The following VPS54 variants were observed in gnomAD, a reference collection of about 807,000 sequenced individuals.
VPS54 encodes the protein vacuolar protein sorting-associated protein 54.
Under a neutral mutation model 121.5 loss-of-function variants are expected in VPS54, and 45 were observed. The ratio of observed to expected loss-of-function variants is 0.37; its 90% CI spans 0.29 to 0.47. The LOEUF (loss-of-function observed/expected upper bound fraction) is 0.47. VPS54 is among the 20% of genes least tolerant of loss of function. The pLI is 0.99. For synonymous variants in VPS54, 371 were observed against 385.8 expected (o/e 0.96, Z 0.45); for missense variants, 1,090 against 1,131.4 (o/e 0.96, Z 0.52).
chr2:63,982,542 C>T (rs1245227683), intron 2 of VPS54, among the ~76,000 whole-genome samples: 1 of 152,150 alleles, frequency 6.6e-6, no homozygotes, highest in East Asian at 1.9e-4. Context: ...AATACATAAC[C>T]TTGTTTTGTG....
At chr2:63,980,999 A>C (rs1343728827) in intron 3 of VPS54, among the ~76,000 whole-genome samples, 2 of 152,116 alleles carry the variant, frequency 1.3e-5, no homozygotes, top group Non-Finnish European at 2.9e-5. Context: ...AAAAAAGTGC[A>C]AAGTAAGTAA....
chr2:63,915,137 G>A (rs1264193631), intron 16 of VPS54, among the ~76,000 whole-genome samples: 2 of 97,060 alleles, frequency 2.1e-5, no homozygotes, highest in Admixed American at 1.6e-4. Flanking sequence ...GGCAACAAGA[G>A]CAAAGCTCCG....
chr2:64,016,109 G>A (rs1247788883), intron 1 of VPS54, among the ~76,000 whole-genome samples: 2 of 152,164 alleles, frequency 1.3e-5, no homozygotes, highest in Non-Finnish European at 2.9e-5. Flanking sequence ...CTAATAGCGA[G>A]GTAAGCAGGA....
intron 1 of VPS54, among the ~76,000 whole-genome samples, chr2:63,985,680 T>TACACACACACACAC (rs3079061): frequency 2.1e-5 from 3 of 145,040 alleles, no homozygotes; most frequent in African/African-American, 5.2e-5. Context: ...TGACAAATTA[T>TACACACACACACAC]ACACACACAC....
chr2:63,963,099 A>C (rs1231122384), intron 6 of VPS54, among the ~76,000 whole-genome samples: 1 of 152,116 alleles, frequency 6.6e-6, no homozygotes, highest in African/African-American at 2.4e-5. Context: ...CTGATGGTTC[A>C]GTCACAAATT....
At chr2:63,981,955 T>G in intron 2 of VPS54, 68 bp from the exon 3 acceptor site, 2 of 1,487,136 alleles carry the variant, frequency 1.3e-6, no homozygotes, top group Non-Finnish European at 1.8e-6. Context: ...AAGTACACAC[T>G]AGAAAACTAA....
At chr2:63,925,743 C>T (rs1044976950) in intron 12 of VPS54, among the ~76,000 whole-genome samples, 2 of 152,098 alleles carry the variant, frequency 1.3e-5, no homozygotes, top group African/African-American at 4.8e-5. Flanking sequence ...GACAAAAGAG[C>T]AAATATATTA....
intron 3 of VPS54, among the ~76,000 whole-genome samples, chr2:63,977,013 G>A (rs745626062): frequency 1.3e-5 from 2 of 151,906 alleles, no homozygotes; most frequent in Non-Finnish European, 1.5e-5. Flanking sequence ...ACTTTTAGTA[G>A]AGATGGGGTT....
At chr2:63,937,537 T>C (rs545542317) in intron 11 of VPS54, among the ~76,000 whole-genome samples, 4 of 152,228 alleles carry the variant, frequency 2.6e-5, no homozygotes, top group South Asian at 2.1e-4. Context: ...CCCTGCACTA[T>C]TGGTGGAAAT....
intron 12 of VPS54, among the ~76,000 whole-genome samples, chr2:63,929,892 CA>C (rs1674104427): frequency 6.6e-6 from 1 of 152,128 alleles, no homozygotes; most frequent in South Asian, 2.1e-4. Flanking sequence ...CACCTCTACA[CA>C]AATAAACTAG....
At chr2:63,904,182 G>A (rs1368469921) in intron 20 of VPS54, among the ~76,000 whole-genome samples, 1 of 152,192 alleles carries the variant, frequency 6.6e-6, no homozygotes, top group Non-Finnish European at 1.5e-5. Context: ...GCTCACGCCT[G>A]TAATCCCAGC....
chr2:63,928,509 GC>G (rs1273539055), intron 12 of VPS54, among the ~76,000 whole-genome samples: 2 of 152,128 alleles, frequency 1.3e-5, no homozygotes, highest in African/African-American at 4.8e-5. Flanking sequence ...CCTGAAGGAA[GC>G]ACTAAACATG....
At chr2:63,998,655 T>C (rs1677724149) in intron 1 of VPS54, among the ~76,000 whole-genome samples, 1 of 152,186 alleles carries the variant, frequency 6.6e-6, no homozygotes, top group South Asian at 2.1e-4. Flanking sequence ...TAACACTGCT[T>C]GTATAAATAG....
At chr2:63,914,079 AAAGTT>A (rs1673270155) in intron 17 of VPS54, 98 bp downstream of exon 17, 1 of 1,112,568 alleles carries the variant, frequency 9.0e-7, no homozygotes, top group South Asian at 1.4e-5. Flanking sequence ...CTAATGTCTT[AAAGTT>A]AATTTGACCT....
chr2:63,969,210 G>A (rs968191057), intron 4 of VPS54, among the ~76,000 whole-genome samples: 1 of 152,074 alleles, frequency 6.6e-6, no homozygotes, highest in East Asian at 1.9e-4. Context: ...TTATATAGCA[G>A]CAATAAAACA....
chr2:63,976,580 C>T (rs1316692367), intron 3 of VPS54, among the ~76,000 whole-genome samples: 1 of 152,006 alleles, frequency 6.6e-6, no homozygotes, highest in Non-Finnish European at 1.5e-5. Context: ...CTGGTGATTT[C>T]TGCTTTGAGC....
intron 12 of VPS54, among the ~76,000 whole-genome samples, chr2:63,923,105 A>G (rs926751235): frequency 6.6e-6 from 1 of 152,080 alleles, no homozygotes; most frequent in African/African-American, 2.4e-5. Context: ...TGAGGTCAGG[A>G]GACCGAGATC....
At chr2:63,924,384 G>C (rs989907672) in intron 12 of VPS54, among the ~76,000 whole-genome samples, 1 of 151,830 alleles carries the variant, frequency 6.6e-6, no homozygotes, top group African/African-American at 2.4e-5. Context: ...TAAAAAGAAA[G>C]AATAAAATAT....
At chr2:63,978,016 G>A (rs1190778572) in intron 3 of VPS54, among the ~76,000 whole-genome samples, 1 of 152,146 alleles carries the variant, frequency 6.6e-6, no homozygotes, top group Non-Finnish European at 1.5e-5. Context: ...CATTATTCAA[G>A]CACCCCACTG....
Sources: allele counts gnomAD v4.1 joint callset (sites outside exome capture counted in the v4.1 genomes callset), GRCh38; gene constraint gnomAD v4.1.1; transcripts MANE v1.5; gene names NCBI Gene and HGNC (gene_info 2026-07-23, HGNC 2026-07-21).